The following RELL1 variants were observed in gnomAD, a reference collection of about 807,000 sequenced individuals.
The protein encoded by RELL1 is RELT like 1.
RELL1 carries 10 observed loss-of-function variants against 23.0 expected under a neutral mutation model. That is an observed-to-expected ratio of 0.43 (90% CI 0.27 to 0.74). The LOEUF is 0.74. RELL1 is among the 30% of genes least tolerant of loss of function. RELL1 has a pLI of 0.19. For missense variants in RELL1, 315 were observed against 364.4 expected, an observed-to-expected ratio of 0.86 and a Z score of 1.10; for synonymous variants, 146 against 146.8, an observed-to-expected ratio of 0.99 and a Z score of 0.04.
rs1324714753 is a variant in RELL1 at position 37,611,744 on chromosome 4, AAAAAG to A, written c.*1597_*1601del. Among the ~76,000 whole-genome samples, 1 of 151,990 alleles carries A rather than the reference AAAAAG, an allele frequency of 6.6e-6. No individual in the cohort carries two copies. Among genetic ancestry groups the A allele is most frequent in the East Asian group, 1.9e-4 (1 of 5,192 alleles). ...ATGTACAGTTATAAAAAAAAAAAAG[AAAAAG>A]AAAAGTTTGCCAGGCCTAAAGGGAA... On this transcript the variant is annotated 3_prime_UTR_variant, in exon 7 of 7. Transcript: ENST00000454158.
At chr4:37,617,979 C>A (rs1296664093) in intron 6 of RELL1, among the ~76,000 whole-genome samples, 1 of 152,088 alleles carries the variant, frequency 6.6e-6, no homozygotes, top group Non-Finnish European at 1.5e-5. Flanking sequence ...CAAGATGCCA[C>A]CTAAAGTCTC....
chr4:37,685,045 C>A (rs1303158269), intron 1 of RELL1, among the ~76,000 whole-genome samples: 1 of 152,144 alleles, frequency 6.6e-6, no homozygotes, highest in Non-Finnish European at 1.5e-5. Flanking sequence ...GAAATACGGG[C>A]CTGCTAAAAA....
At chr4:37,667,048 A>G (rs1008603011) in intron 1 of RELL1, among the ~76,000 whole-genome samples, 5 of 152,184 alleles carry the variant, frequency 3.3e-5, no homozygotes, top group African/African-American at 1.2e-4. Flanking sequence ...AGGAGGGAGT[A>G]GGAAAGAAAA....
chr4:37,587,153 TCACATTGC>T (rs1312337064), downstream of RELL1, among the ~76,000 whole-genome samples: 2 of 152,256 alleles, frequency 1.3e-5, no homozygotes, highest in Non-Finnish European at 2.9e-5. Context: ...GCCTTTTTGG[TCACATTGC>T]CTCTTCCTCT....
chr4:37,618,316 T>C (rs1040017124), intron 6 of RELL1, among the ~76,000 whole-genome samples: 2 of 152,094 alleles, frequency 1.3e-5, no homozygotes, highest in East Asian at 1.9e-4. Flanking sequence ...GCTTAAGTCA[T>C]GGAGTTCAAG....
Position 37,625,282 on chromosome 4 carries a change from G to A in RELL1, c.*3+6103C>T, listed in dbSNP as rs535742369. On this transcript the variant is annotated intron_variant, in intron 6 of 6. Transcript: ENST00000454158. ...TGCAATACTACTAGAAAAACACATA[G>A]GAGGAAAGTTCCATGACACTGATCT... Among the ~76,000 whole-genome samples, 17 of 151,642 alleles carry A rather than the reference G, an allele frequency of 1.1e-4. No individual in the cohort carries two copies. In the South Asian group the frequency reaches 3.5e-3, roughly 31 times the overall value.
At chr4:37,588,602 G>C (rs1718435912), downstream of RELL1, 1 of 453,976 alleles carries the variant, frequency 2.2e-6, no homozygotes, top group Non-Finnish European at 4.0e-6. Flanking sequence ...ATAACCCCAG[G>C]GTTGGGAGAA....
chr4:37,589,997 A>G (rs1269403686), downstream of RELL1: 5 of 897,606 alleles, frequency 5.6e-6, no homozygotes, highest in African/African-American at 1.7e-5. Context: ...CAGAAATTAA[A>G]TTAGCAGGAA....
chr4:37,681,749 G>A (rs929357659), intron 1 of RELL1, among the ~76,000 whole-genome samples: 1 of 151,958 alleles, frequency 6.6e-6, no homozygotes, highest in African/African-American at 2.4e-5. Flanking sequence ...GGCTGGTCTT[G>A]AACTCCTGAC....
intron 6 of RELL1, among the ~76,000 whole-genome samples, chr4:37,628,129 C>G (rs1178848378): frequency 6.6e-6 from 1 of 152,120 alleles, no homozygotes; most frequent in Non-Finnish European, 1.5e-5. Context: ...CTTCCTTTTT[C>G]AGGGCCTATA....
At chr4:37,642,630 C>T (rs533867956) in intron 3 of RELL1, among the ~76,000 whole-genome samples, 1 of 152,228 alleles carries the variant, frequency 6.6e-6, no homozygotes, top group East Asian at 1.9e-4. Context: ...ATAATGAGCA[C>T]CTTTTGATCA....
chr4:37,633,119 C>G (rs1720196618), intron 5 of RELL1, among the ~76,000 whole-genome samples: 1 of 152,134 alleles, frequency 6.6e-6, no homozygotes, highest in African/African-American at 2.4e-5. Context: ...TTTTAAAAAG[C>G]CATGTTTGGC....
At chr4:37,681,373 T>C (rs1186893806) in intron 1 of RELL1, among the ~76,000 whole-genome samples, 1 of 152,186 alleles carries the variant, frequency 6.6e-6, no homozygotes, top group Non-Finnish European at 1.5e-5. Flanking sequence ...ACTTTGCCAT[T>C]TACCCAGAAC....
rs1244458150 is a variant in RELL1, at chr4:37,635,029, G to A, written c.538C>T (p.Leu180=). The change falls in exon 5 of 7, where the codon CTG becomes TTG. Residue 180 remains leucine (L), a synonymous_variant. Coordinates refer to ENST00000454158, the MANE Select transcript of RELL1 (RefSeq NM_001085400.2). ...TCGACAACACCGCCCACCGTATGCA[G>A]ATGATGGCCACAGACGTGCTTCCCT... The part of the protein sequence containing the change: ...TPGKHVCGHH[L]HTVGGVVERD... 1 of 1,614,260 alleles carries A rather than the reference G, an allele frequency of 6.2e-7. No individual in the cohort carries two copies. Among genetic ancestry groups the A allele is most frequent in the East Asian group, 2.2e-5 (1 of 44,890 alleles).
At chr4:37,632,109 A>AAC (rs1428682081) in intron 5 of RELL1, among the ~76,000 whole-genome samples, 2 of 146,526 alleles carry the variant, frequency 1.4e-5, no homozygotes, top group African/African-American at 5.0e-5. Flanking sequence ...AAAAAAAAAA[A>AAC]CACCTCAGAG....
intron 1 of RELL1, among the ~76,000 whole-genome samples, chr4:37,659,463 G>T (rs907855628): frequency 1.4e-4 from 22 of 152,178 alleles, no homozygotes; most frequent in African/African-American, 5.1e-4. Context: ...AGACAGAATG[G>T]CGGGGAAATG....
chr4:37,666,584 C>T (rs1046303288), intron 1 of RELL1, among the ~76,000 whole-genome samples: 13 of 152,202 alleles, frequency 8.5e-5, no homozygotes, highest in African/African-American at 3.1e-4. Flanking sequence ...CCTCACCAAG[C>T]TCACAGCTCA....
chr4:37,643,301 G>A (rs959477820), intron 3 of RELL1, among the ~76,000 whole-genome samples: 2 of 152,194 alleles, frequency 1.3e-5, no homozygotes. Context: ...CAGGTCAGCT[G>A]ATAATCCATC....
At chr4:37,636,593 TCAA>T (rs1720340450) in intron 4 of RELL1, among the ~76,000 whole-genome samples, 1 of 115,390 alleles carries the variant, frequency 8.7e-6, no homozygotes. Flanking sequence ...AGACTCTGTC[TCAA>T]AAAAAAAAAA....
Sources: gnomAD v4.1 joint callset for allele counts (sites outside exome capture counted in the v4.1 genomes callset) on GRCh38, gnomAD v4.1.1 for gene constraint, MANE v1.5 for transcripts, NCBI Gene and HGNC (gene_info 2026-07-23, HGNC 2026-07-21) for gene names.